Variants in CNTRL observed in about 807,000 individuals in gnomAD.
CNTRL encodes 110 kDa centrosomal protein.
CNTRL carries 233 observed loss-of-function variants against 303.7 expected under a neutral mutation model. That is an observed-to-expected ratio of 0.77 (90% CI 0.69 to 0.86). The LOEUF is 0.86. Ranked by LOEUF, CNTRL falls within the 40% of genes least tolerant of loss-of-function variation. CNTRL has a pLI of 0.00. For missense variants in CNTRL, 2,524 were observed against 2,650.6 expected, an observed-to-expected ratio of 0.95 and a Z score of 1.05; for synonymous variants, 900 against 922.2, an observed-to-expected ratio of 0.98 and a Z score of 0.44.
intron 1 of CNTRL, among the ~76,000 whole-genome samples, chr9:121,075,729 TTCACTATTTG>T (rs1045613226): frequency 2.0e-5 from 3 of 152,204 alleles, no homozygotes; most frequent in Admixed American, 2.0e-4. Flanking sequence ...TTTTTGGGTG[TTCACTATTTG>T]TCAGATCCAG....
chr9:121,175,429 G>A (rs1226732409), intron 43 of CNTRL, among the ~76,000 whole-genome samples: 3 of 152,024 alleles, frequency 2.0e-5, no homozygotes, highest in Admixed American at 1.3e-4. Flanking sequence ...ACTTGGCTTG[G>A]CCACTTTTTA....
rs762212052 is a variant in CNTRL at position 121,143,996 on chromosome 9, C to G, written c.2965C>G (p.Leu989Val). ...GAAAGCCGTGGCCACCTCTGATAAG[C>G]TAGCCACAGCTGAGCTCACCATTGC... is the stretch of plus-strand genomic sequence containing the variant. ...LKKAVATSDK[L>V]ATAELTIAKD... Residue 989 changes from leucine (L) to valine (V), a missense_variant, in exon 20 of 44, where the codon CTA (leucine) becomes GTA (valine). Transcript: ENST00000373855. The G allele has an allele frequency of 1.2e-6, 2 of 1,613,788 alleles. No homozygotes were observed. Among genetic ancestry groups the G allele is most frequent in the Non-Finnish European group, 1.7e-6 (2 of 1,179,814 alleles).
At chr9:121,102,519 T>C (rs1437309940) in intron 7 of CNTRL, among the ~76,000 whole-genome samples, 1 of 152,136 alleles carries the variant, frequency 6.6e-6, no homozygotes, top group Admixed American at 6.5e-5. Context: ...ACCACTCCTA[T>C]TCAACATAGT....
intron 7 of CNTRL, among the ~76,000 whole-genome samples, chr9:121,101,963 A>G (rs984550473): frequency 4.6e-5 from 7 of 152,228 alleles, no homozygotes; most frequent in Non-Finnish European, 7.3e-5. Context: ...GCTGAATTCT[A>G]CCAGAGGTAC....
chr9:121,107,743 T>A, intron 7 of CNTRL, 59 bp from the exon 8 acceptor site: 2 of 1,073,702 alleles, frequency 1.9e-6, no homozygotes, highest in Non-Finnish European at 2.6e-6. Context: ...AGAAATATTC[T>A]TACCTTTTTA....
intron 7 of CNTRL, among the ~76,000 whole-genome samples, chr9:121,099,311 G>A (rs141576795): frequency 0.083 from 12,611 of 152,166 alleles, 561 homozygotes; most frequent in Non-Finnish European, 0.11. Context: ...GACCTCCAGC[G>A]AACTCCAACA....
intron 24 of CNTRL, 103 bp downstream of exon 24, chr9:121,148,964 C>T: frequency 9.7e-7 from 1 of 1,035,252 alleles, no homozygotes; most frequent in Non-Finnish European, 1.4e-6. Flanking sequence ...CCTTAGCTAG[C>T]TCCATGAGGT....
At chr9:121,161,706 AT>A in intron 32 of CNTRL, 149 bp from the exon 33 acceptor site, 1 of 573,522 alleles carries the variant, frequency 1.7e-6, no homozygotes, top group South Asian at 2.5e-5. Context: ...AGAATTTTTT[AT>A]TAAAAATAAA....
intron 6 of CNTRL, among the ~76,000 whole-genome samples, chr9:121,098,054 A>G (rs1374706630): frequency 6.6e-6 from 1 of 152,200 alleles, no homozygotes; most frequent in Non-Finnish European, 1.5e-5. Flanking sequence ...TTGAATTCAA[A>G]TCCTGTTTCA....
rs1393597825 is a variant in CNTRL at position 121,152,600 on chromosome 9, A to G, written c.4079A>G (p.His1360Arg). The change falls in exon 26 of 44, where the codon CAT (histidine) becomes CGT (arginine). Residue 1360 changes from histidine to arginine, a missense_variant. Physicochemically the swap from His to Arg is conservative, Grantham distance 29 (BLOSUM62 0). Transcript: ENST00000373855. ...RQSEKEMEEL[H>R]HNIDDLLQEK... Reference sequence around the variant, plus strand: ...TCGGAGAAAGAAATGGAAGAACTGCATCATAATATTGATGATCTTTTGCAA... The same window carrying G: ...TCGGAGAAAGAAATGGAAGAACTGCGTCATAATATTGATGATCTTTTGCAA... 3.1e-6 allele frequency: 5 copies of G among 1,613,922 alleles called. No homozygotes were observed. The highest frequency in any genetic ancestry group is 1.3e-5 in the African/African-American group (1 of 74,946).
intron 8 of CNTRL, among the ~76,000 whole-genome samples, chr9:121,108,919 GCTT>G (rs1474875103): frequency 6.6e-6 from 1 of 152,024 alleles, no homozygotes; most frequent in Non-Finnish European, 1.5e-5. Flanking sequence ...TGTTTTCCAT[GCTT>G]CTTATACAGT....
Position 121,167,570 on chromosome 9 carries a change from A to G in CNTRL, c.5737A>G (p.Asn1913Asp), listed in dbSNP as rs374262295. The change falls in exon 37 of 44, where the codon AAT (asparagine) becomes GAT (aspartate). Residue 1913 changes from asparagine to aspartate, a missense_variant. By Grantham distance (23) the Asn-to-Asp change is conservative (BLOSUM62 1). Transcript: ENST00000373855. ...CCAGAAGGACATCAGTGAATGGGCA[A>G]ATAGGTTTGAAGACTGTCAGAAAGA... is the stretch of plus-strand genomic sequence containing the variant. ...RLQKDISEWA[N>D]RFEDCQKEEE... The G allele has an allele frequency of 2.5e-6, 4 of 1,614,154 alleles. No homozygotes were observed. The highest frequency in any genetic ancestry group is 3.4e-6 in the Non-Finnish European group (4 of 1,179,996).
At chr9:121,106,073 T>C (rs1389295618) in intron 7 of CNTRL, among the ~76,000 whole-genome samples, 1 of 152,104 alleles carries the variant, frequency 6.6e-6, no homozygotes, top group Non-Finnish European at 1.5e-5. Context: ...GTGTAGCTGT[T>C]CACACCTGTA....
At chr9:121,136,452 G>A (rs563493608) in intron 15 of CNTRL, among the ~76,000 whole-genome samples, 2 of 152,198 alleles carry the variant, frequency 1.3e-5, no homozygotes, top group East Asian at 3.9e-4. Context: ...TGGGACTACA[G>A]GTGCGCGCCA....
chr9:121,175,265 GGTT>G (rs1564312004), intron 43 of CNTRL, 41 bp downstream of exon 43: 12 of 1,588,374 alleles, frequency 7.6e-6, no homozygotes, highest in South Asian at 6.6e-5. Flanking sequence ...AATAGCCTGA[GGTT>G]GTTTTTTGTC....
intron 12 of CNTRL, among the ~76,000 whole-genome samples, chr9:121,123,515 C>T (rs936477648): frequency 2.0e-4 from 30 of 152,310 alleles, no homozygotes; most frequent in Middle Eastern, 3.4e-3. Flanking sequence ...AGGAGAATTG[C>T]TTGAACCCAG....
chr9:121,092,721 C>CTA lies in CNTRL; in HGVS notation c.349-2156_349-2155dup, dbSNP rs1231040783. On this transcript the variant is annotated intron_variant, in intron 4 of 43. Coordinates refer to ENST00000373855, the MANE Select transcript of CNTRL (RefSeq NM_007018.6). The stretch of plus-strand genomic sequence containing the variant: ...ATATATCTATATATATAATATATAT[C>CTA]TATATATATATAATATATATCTATA... 2.0e-4 allele frequency among the ~76,000 whole-genome samples: 2 copies of CTA among 10,076 alleles called. 1 individual carries two copies. Among genetic ancestry groups the CTA allele is most frequent in the African/African-American group, 4.9e-4 (2 of 4,064 alleles). The allele number at this position is 10,076 out of a possible 152,430, so 6.6% of individuals were successfully genotyped here.
At chr9:121,169,475 T>C (rs1489399191) in intron 38 of CNTRL, 136 bp from the exon 39 acceptor site, 3 of 830,206 alleles carry the variant, frequency 3.6e-6, no homozygotes, top group Non-Finnish European at 5.7e-6. Context: ...AGGGTAGGCT[T>C]GTACGACTTT....
chr9:121,080,096 G>T (rs776906905), intron 1 of CNTRL, among the ~76,000 whole-genome samples: 8 of 152,068 alleles, frequency 5.3e-5, no homozygotes, highest in Non-Finnish European at 1.2e-4. Context: ...TATATGACAT[G>T]GTCATTAAAA....
Sources: allele counts gnomAD v4.1 joint callset (sites outside exome capture counted in the v4.1 genomes callset), GRCh38; gene constraint gnomAD v4.1.1; transcripts MANE v1.5; gene names NCBI Gene and HGNC (gene_info 2026-07-23, HGNC 2026-07-21).